The following PTBP2 variants were observed in gnomAD, a reference collection of about 807,000 sequenced individuals.
PTBP2 encodes the protein polypyrimidine tract-binding protein 2.
Under a neutral mutation model 61.4 loss-of-function variants are expected in PTBP2, and 13 were observed. The ratio of observed to expected loss-of-function variants is 0.21; its 90% CI spans 0.14 to 0.34. PTBP2 has a LOEUF of 0.34. Among genes scored for constraint, PTBP2 ranks in the 10% least tolerant of loss-of-function variants. The pLI, the probability that PTBP2 is intolerant of heterozygous loss-of-function variation, is 1.00. For synonymous variants in PTBP2, 215 were observed against 218.5 expected, an observed-to-expected ratio of 0.98 and a Z score of 0.14; for missense variants, 405 against 642.6, an observed-to-expected ratio of 0.63 and a Z score of 4.00.
intron 2 of PTBP2, among the ~76,000 whole-genome samples, chr1:96,742,712 A>G (rs1047530895): frequency 1.8e-4 from 23 of 127,408 alleles, no homozygotes; most frequent in African/African-American, 6.6e-4. Context: ...TGTAAACTTC[A>G]TTTAAAGGTT....
chr1:96,726,019 A>G (rs1650407188), intron 2 of PTBP2, among the ~76,000 whole-genome samples: 1 of 139,698 alleles, frequency 7.2e-6, no homozygotes, highest in Non-Finnish European at 1.5e-5. Context: ...AGGTTGCAGT[A>G]AGCGGAGATT....
intron 8 of PTBP2, among the ~76,000 whole-genome samples, chr1:96,794,241 G>A (rs1474384391): frequency 6.6e-6 from 1 of 152,102 alleles, no homozygotes; most frequent in Admixed American, 6.5e-5. Context: ...TAAATTCTAT[G>A]GTAATCAACT....
chr1:96,763,228 G>A (rs1656229030), intron 3 of PTBP2, among the ~76,000 whole-genome samples: 1 of 152,108 alleles, frequency 6.6e-6, no homozygotes, highest in Non-Finnish European at 1.5e-5. Context: ...AAGGCAGGCG[G>A]CTGGGAGGTG....
chr1:96,773,553 T>C (rs1218575505), intron 5 of PTBP2, among the ~76,000 whole-genome samples: 1 of 152,158 alleles, frequency 6.6e-6, no homozygotes, highest in Non-Finnish European at 1.5e-5. Context: ...GAATGGACAA[T>C]TAGATTTTGT....
intron 2 of PTBP2, among the ~76,000 whole-genome samples, chr1:96,746,863 G>A (rs61786390): frequency 3.3e-4 from 4 of 12,050 alleles, no homozygotes; most frequent in African/African-American, 1.6e-3. Flanking sequence ...CCCTCCCTCC[G>A]TCCGTCTGTC....
chr1:96,735,794 C>T (rs34057734), intron 2 of PTBP2, among the ~76,000 whole-genome samples: 2 of 151,868 alleles, frequency 1.3e-5, no homozygotes, highest in African/African-American at 4.8e-5. Context: ...ATCTAATTAG[C>T]GTTCCAGAAA....
chr1:96,778,964 A>G (rs1658344309), intron 7 of PTBP2, among the ~76,000 whole-genome samples: 1 of 152,038 alleles, frequency 6.6e-6, no homozygotes, highest in African/African-American at 2.4e-5. Flanking sequence ...TTTTCTGACC[A>G]CTACTCTATA....
At chr1:96,804,700 G>C in intron 8 of PTBP2, 100 bp from the exon 9 acceptor site, 1 of 1,219,166 alleles carries the variant, frequency 8.2e-7, no homozygotes, top group Non-Finnish European at 1.1e-6. Context: ...ATGGTCAGCC[G>C]TAAGCCATGC....
At chr1:96,732,599 A>T (rs968531396) in intron 2 of PTBP2, among the ~76,000 whole-genome samples, 8 of 152,242 alleles carry the variant, frequency 5.3e-5, no homozygotes, top group African/African-American at 1.9e-4. Context: ...GATAAATAAC[A>T]AGACTATGTC....
At chr1:96,751,360 A>G in intron 2 of PTBP2, 65 bp from the exon 3 acceptor site, 1 of 1,226,788 alleles carries the variant, frequency 8.2e-7, no homozygotes, top group Middle Eastern at 2.2e-4. Flanking sequence ...TTTAAGTGAA[A>G]GGCTTTTAGA....
At position 96,737,621 on chromosome 1, in the gene PTBP2, A is replaced by G. The variant is rs934720948; in HGVS notation, c.40-13804A>G. ...TGTTTTTGTTCACTTTTAAAGCTAC[A>G]AAAACAAGTAATGATGAGGAAAATT... On this transcript the variant is annotated intron_variant, in intron 2 of 13. Coordinates refer to ENST00000674951, the MANE Select transcript of PTBP2 (RefSeq NM_021190.4). Among the ~76,000 whole-genome samples the G allele has an allele frequency of 2.6e-5, 4 of 152,162 alleles. No homozygotes were observed. The East Asian group carries it at 7.7e-4, about 29-fold the overall frequency.
At chr1:96,748,277 C>T (rs565907993) in intron 2 of PTBP2, among the ~76,000 whole-genome samples, 1 of 152,236 alleles carries the variant, frequency 6.6e-6, no homozygotes, top group East Asian at 1.9e-4. Flanking sequence ...TCTTCGCAGA[C>T]CTGGCAGCTC....
intron 7 of PTBP2, among the ~76,000 whole-genome samples, chr1:96,782,798 A>G (rs1390701650): frequency 1.3e-5 from 2 of 152,024 alleles, no homozygotes; most frequent in Non-Finnish European, 2.9e-5. Context: ...AAAAATGGAA[A>G]TAGTTTTATT....
At chr1:96,765,691 T>C (rs974996076) in intron 3 of PTBP2, among the ~76,000 whole-genome samples, 1 of 146,574 alleles carries the variant, frequency 6.8e-6, no homozygotes, top group Non-Finnish European at 1.5e-5. Context: ...AGCCTGGCAA[T>C]ACAGCAAGAC....
intron 2 of PTBP2, among the ~76,000 whole-genome samples, chr1:96,725,674 AT>A (rs1402874486): frequency 6.6e-6 from 1 of 152,144 alleles, no homozygotes; most frequent in African/African-American, 2.4e-5. Flanking sequence ...TTCTGGAATA[AT>A]GGTTAAGAAT....
chr1:96,775,418 G>T (rs1456354377), intron 5 of PTBP2, among the ~76,000 whole-genome samples: 1 of 152,152 alleles, frequency 6.6e-6, no homozygotes, highest in African/African-American at 2.4e-5. Flanking sequence ...AATATGTTGT[G>T]TTGTATTCAT....
chr1:96,762,133 C>T (rs1241147028), intron 3 of PTBP2, among the ~76,000 whole-genome samples: 1 of 151,238 alleles, frequency 6.6e-6, no homozygotes, highest in Non-Finnish European at 1.5e-5. Flanking sequence ...CTACCTCTTT[C>T]TACACAGACA....
chr1:96,776,573 A>G (rs558434251), intron 5 of PTBP2, among the ~76,000 whole-genome samples: 8 of 151,982 alleles, frequency 5.3e-5, no homozygotes, highest in African/African-American at 1.7e-4. Context: ...ATTCTCTTTC[A>G]TTAACCTGTT....
chr1:96,785,330 C>G, intron 8 of PTBP2, 76 bp downstream of exon 8: 1 of 1,202,322 alleles, frequency 8.3e-7, no homozygotes, highest in East Asian at 2.8e-5. Context: ...TAATGAATCC[C>G]CCCATTTTGG....
Sources: gnomAD v4.1 joint callset for allele counts (sites outside exome capture counted in the v4.1 genomes callset) on GRCh38, gnomAD v4.1.1 for gene constraint, MANE v1.5 for transcripts, NCBI Gene and HGNC (gene_info 2026-07-23, HGNC 2026-07-21) for gene names.